HS1BP3: variants seen among roughly 807,000 people sequenced by gnomAD.
HS1BP3 encodes the protein HCLS1 binding protein 3.
In HS1BP3, 32 loss-of-function variants were observed where a neutral mutation model predicts 33.5. That is an observed-to-expected ratio of 0.95 (90% confidence interval 0.72 to 1.28). The LOEUF (loss-of-function observed/expected upper bound fraction) is 1.28. HS1BP3 is among the 50% of genes most tolerant of loss of function. HS1BP3 has a pLI of 0.00. For synonymous variants in HS1BP3, 187 were observed against 209.2 expected (o/e 0.89, Z 0.92); for missense variants, 486 against 502.3 (o/e 0.97, Z 0.31).
chr2:20,639,534 G>T (rs1240968758), intron 3 of HS1BP3, among the ~76,000 whole-genome samples: 1 of 152,214 alleles, frequency 6.6e-6, no homozygotes, highest in African/African-American at 2.4e-5. Flanking sequence ...TGTAGGTAAA[G>T]AACTTAGAGA....
chr2:20,590,916 T>C (rs1488477630), downstream of HS1BP3: 16 of 167,168 alleles, frequency 9.6e-5, no homozygotes, highest in Admixed American at 9.8e-4. Context: ...GTGCAAAGAT[T>C]CCTATTCAAT....
intron 5 of HS1BP3, among the ~76,000 whole-genome samples, chr2:20,576,630 G>A (rs910009436): frequency 7.2e-5 from 11 of 152,232 alleles, no homozygotes; most frequent in Admixed American, 7.2e-4. Flanking sequence ...CTGGCATATG[G>A]CAGGTGCCAA....
At chr2:20,644,818 C>G (rs977351286) in intron 2 of HS1BP3, among the ~76,000 whole-genome samples, 1 of 152,210 alleles carries the variant, frequency 6.6e-6, no homozygotes, top group Admixed American at 6.5e-5. Context: ...CAGGTTAAGT[C>G]CAGGCTCCCG....
downstream of HS1BP3, among the ~76,000 whole-genome samples, chr2:20,587,662 C>T (rs1222611828): frequency 3.9e-5 from 6 of 152,104 alleles, no homozygotes; most frequent in Admixed American, 2.6e-4. Context: ...AGGAGAAGGG[C>T]GTGAACCTGG....
intron 2 of HS1BP3, among the ~76,000 whole-genome samples, chr2:20,610,462 A>T (rs1174718512): frequency 6.6e-6 from 1 of 152,138 alleles, no homozygotes; most frequent in Admixed American, 6.6e-5. Flanking sequence ...GGAATCATAC[A>T]ACATATATAT....
chr2:20,599,351 G>A (rs1025340869), intron 2 of HS1BP3, among the ~76,000 whole-genome samples: 2 of 152,222 alleles, frequency 1.3e-5, no homozygotes, highest in Admixed American at 6.5e-5. Context: ...GGCAGCCAAC[G>A]GGTGCACGCT....
chr2:20,564,331 G>A (rs1211810746), intron 5 of HS1BP3, among the ~76,000 whole-genome samples: 3 of 152,240 alleles, frequency 2.0e-5, no homozygotes, highest in African/African-American at 7.2e-5. Context: ...TGGAGCAGAA[G>A]CTGCCTCCGT....
intron 5 of HS1BP3, among the ~76,000 whole-genome samples, chr2:20,569,649 G>A (rs997229012): frequency 3.9e-5 from 6 of 152,072 alleles, no homozygotes; most frequent in African/African-American, 1.2e-4. Context: ...TGCCTCTCTC[G>A]GTCACCAGCC....
chr2:20,576,407 C>A (rs1183660407), intron 5 of HS1BP3, among the ~76,000 whole-genome samples: 1 of 152,214 alleles, frequency 6.6e-6, no homozygotes, highest in Non-Finnish European at 1.5e-5. Flanking sequence ...GAAGCCTGCC[C>A]AGTACAGCTC....
chr2:20,591,613 C>T (rs1283205467), downstream of HS1BP3, among the ~76,000 whole-genome samples: 1 of 152,176 alleles, frequency 6.6e-6, no homozygotes, highest in Non-Finnish European at 1.5e-5. Context: ...GCTCTGCCAC[C>T]CAGGCTGGAG....
chr2:20,580,615 A>G (rs1015976898), intron 5 of HS1BP3, among the ~76,000 whole-genome samples: 7 of 152,234 alleles, frequency 4.6e-5, no homozygotes, highest in African/African-American at 1.7e-4. Context: ...GAATTCACAG[A>G]AAGGGAAATC....
chr2:20,578,149 C>T (rs965015465), intron 5 of HS1BP3, among the ~76,000 whole-genome samples: 3 of 152,110 alleles, frequency 2.0e-5, no homozygotes, highest in South Asian at 2.1e-4. Flanking sequence ...AGCAGGCTCA[C>T]GTGGCTGTGC....
chr2:20,573,179 T>A (rs1329021598), intron 5 of HS1BP3, among the ~76,000 whole-genome samples: 1 of 152,088 alleles, frequency 6.6e-6, no homozygotes, highest in Admixed American at 6.5e-5. Context: ...AAGCTGAAGG[T>A]CTTGGGATGA....
chr2:20,600,834 A>G (rs1383852335), intron 2 of HS1BP3, among the ~76,000 whole-genome samples: 2 of 152,164 alleles, frequency 1.3e-5, no homozygotes, highest in African/African-American at 4.8e-5. Flanking sequence ...ATAAAAAAAT[A>G]TATATTTCTC....
At chr2:20,577,813 C>T (rs111710223) in intron 5 of HS1BP3, among the ~76,000 whole-genome samples, 7,443 of 152,278 alleles carry the variant, frequency 0.049, 174 homozygotes, top group South Asian at 0.068. Flanking sequence ...CTACACTCCC[C>T]GGCACTGGGG....
downstream of HS1BP3, among the ~76,000 whole-genome samples, chr2:20,613,928 G>A (rs902376721): frequency 1.6e-4 from 25 of 152,246 alleles, no homozygotes; most frequent in Admixed American, 1.2e-3. Context: ...CAAGGACGCT[G>A]TGAAGGTGCT....
chr2:20,626,656 G>C (rs57047236), intron 4 of HS1BP3, among the ~76,000 whole-genome samples: 1,812 of 152,276 alleles, frequency 0.012, 50 homozygotes, highest in African/African-American at 0.042. Context: ...ACTGCTCCAA[G>C]AAGGCCCATC....
At chr2:20,607,212 G>C (rs1251530146) in intron 2 of HS1BP3, among the ~76,000 whole-genome samples, 1 of 151,408 alleles carries the variant, frequency 6.6e-6, no homozygotes, top group Non-Finnish European at 1.5e-5. Flanking sequence ...CTGGAGTGCA[G>C]TGGTGTGGTC....
intron 4 of HS1BP3, 67 bp from the exon 5 acceptor site, chr2:20,624,959 C>A: frequency 6.4e-7 from 1 of 1,566,840 alleles, no homozygotes; most frequent in Non-Finnish European, 8.8e-7. Flanking sequence ...CCGGTCAGAC[C>A]GACACAGGCG....
Sources: gnomAD v4.1 joint callset for allele counts (sites outside exome capture counted in the v4.1 genomes callset) on GRCh38, gnomAD v4.1.1 for gene constraint, MANE v1.5 for transcripts, NCBI Gene and HGNC (gene_info 2026-07-23, HGNC 2026-07-21) for gene names.